LOC128092252: variants seen among roughly 807,000 people sequenced by gnomAD.
the LOC128092252 span, among the ~76,000 whole-genome samples, chr15:50,681,741 G>A: frequency 1.3e-5 from 2 of 152,318 alleles, 1 homozygote; most frequent in South Asian, 4.1e-4. Context: ...TCTGGCAGCT[G>A]GATAGTTAAG....
At chr15:50,673,304 G>C in the LOC128092252 span, among the ~76,000 whole-genome samples, 2 of 152,212 alleles carry the variant, frequency 1.3e-5, no homozygotes, top group Middle Eastern at 3.4e-3. Flanking sequence ...ATTGGAAACA[G>C]GTAGTGTTTA....
chr15:50,672,767 A>G, the LOC128092252 span, among the ~76,000 whole-genome samples: 89,079 of 150,886 alleles, frequency 0.59, 26,594 homozygotes, highest in African/African-American at 0.67. Flanking sequence ...AAAATTAGCC[A>G]AGTGTGGTGG....
chr15:50,678,948 A>G, the LOC128092252 span, among the ~76,000 whole-genome samples: 1 of 152,192 alleles, frequency 6.6e-6, no homozygotes, highest in African/African-American at 2.4e-5. Context: ...ATCTCAGCTC[A>G]CTGCAACCTC....
chr15:50,671,873 G>A, the LOC128092252 span, among the ~76,000 whole-genome samples: 4 of 152,010 alleles, frequency 2.6e-5, no homozygotes, highest in African/African-American at 9.7e-5. Flanking sequence ...GGACTACTTG[G>A]GTATTTGTTT....
chr15:50,661,208 C>T, the LOC128092252 span, among the ~76,000 whole-genome samples: 1 of 151,970 alleles, frequency 6.6e-6, no homozygotes, highest in African/African-American at 2.4e-5. Flanking sequence ...AACTCCTGAC[C>T]TCGTGATCCG....
the LOC128092252 span, among the ~76,000 whole-genome samples, chr15:50,650,554 G>A: frequency 1.3e-5 from 2 of 152,028 alleles, no homozygotes; most frequent in East Asian, 3.9e-4. Flanking sequence ...AATTAACTAG[G>A]CATGGTGGCG....
the LOC128092252 span, among the ~76,000 whole-genome samples, chr15:50,673,495 C>T: frequency 6.6e-6 from 1 of 152,114 alleles, no homozygotes; most frequent in Admixed American, 6.6e-5. Context: ...AGCTCAGCTC[C>T]CACTTATGAG....
the LOC128092252 span, among the ~76,000 whole-genome samples, chr15:50,682,354 C>A: frequency 6.6e-6 from 1 of 150,792 alleles, no homozygotes; most frequent in African/African-American, 2.4e-5. Context: ...TAAAAAAATC[C>A]AGAGCATGAG....
the LOC128092252 span, among the ~76,000 whole-genome samples, chr15:50,667,918 T>C: frequency 2.6e-5 from 4 of 152,196 alleles, no homozygotes; most frequent in Non-Finnish European, 5.9e-5. Flanking sequence ...AAATATGTTA[T>C]TGGTATGTGT....
the LOC128092252 span, among the ~76,000 whole-genome samples, chr15:50,678,541 T>TACAC: frequency 2.9e-5 from 4 of 136,536 alleles, no homozygotes; most frequent in South Asian, 2.3e-4. Flanking sequence ...TATATATATA[T>TACAC]ACACACACAC....
the LOC128092252 span, among the ~76,000 whole-genome samples, chr15:50,662,599 C>T: frequency 7.2e-5 from 11 of 152,042 alleles, no homozygotes; most frequent in Non-Finnish European, 1.5e-4. Flanking sequence ...GTGTTGGATA[C>T]CCAGTAGATG....
At chr15:50,660,960 G>C in the LOC128092252 span, among the ~76,000 whole-genome samples, 7 of 150,712 alleles carry the variant, frequency 4.6e-5, no homozygotes, top group Admixed American at 1.3e-4. Context: ...CACAATAACA[G>C]AATATTAACT....
the LOC128092252 span, among the ~76,000 whole-genome samples, chr15:50,657,539 G>C: frequency 6.6e-6 from 1 of 151,944 alleles, no homozygotes; most frequent in African/African-American, 2.4e-5. Flanking sequence ...CACTGCTCTC[G>C]CTGCCTAAAA....
the LOC128092252 span, among the ~76,000 whole-genome samples, chr15:50,673,972 G>A: frequency 6.6e-6 from 1 of 151,998 alleles, no homozygotes; most frequent in African/African-American, 2.4e-5. Context: ...GAATAAGGTG[G>A]TATTATTGCA....
the LOC128092252 span, among the ~76,000 whole-genome samples, chr15:50,655,000 C>CAAA: frequency 1.6e-3 from 109 of 69,426 alleles, 2 homozygotes; most frequent in African/African-American, 6.1e-3. Context: ...CACTCCGTCT[C>CAAA]AAAAAAAAAA....
the LOC128092252 span, chr15:50,686,485 G>A: frequency 1.2e-6 from 2 of 1,614,002 alleles, no homozygotes; most frequent in Non-Finnish European, 8.5e-7. Flanking sequence ...TTTACCGCCC[G>A]CAACCCCAGA....
the LOC128092252 span, chr15:50,663,089 C>T: frequency 1.4e-5 from 20 of 1,437,372 alleles, no homozygotes; most frequent in Non-Finnish European, 1.8e-5. Context: ...AGTTAACCCA[C>T]TAAATAAGAA....
chr15:50,657,675 T>G, the LOC128092252 span: 1 of 1,013,374 alleles, frequency 9.9e-7, no homozygotes. Context: ...ACCCATCAAA[T>G]ATAATAGCAT....
At chr15:50,664,167 G>A in the LOC128092252 span, among the ~76,000 whole-genome samples, 5 of 151,882 alleles carry the variant, frequency 3.3e-5, no homozygotes, top group South Asian at 4.2e-4. Flanking sequence ...GTGTGGTGGC[G>A]TGTGCCTGTA....
Sources: gnomAD v4.1 joint callset for allele counts (sites outside exome capture counted in the v4.1 genomes callset) on GRCh38, gnomAD v4.1.1 for gene constraint, MANE v1.5 for transcripts.